The following TNC variants were observed in gnomAD, a reference collection of about 807,000 sequenced individuals.
TNC encodes the protein tenascin C.
TNC carries 109 observed loss-of-function variants against 202.4 expected under a neutral mutation model. The ratio of observed to expected loss-of-function variants is 0.54; its 90% confidence interval spans 0.46 to 0.63. The LOEUF is 0.63. Ranked by LOEUF, TNC falls within the 30% of genes least tolerant of loss-of-function variation. TNC has a pLI of 0.00. For synonymous variants in TNC, 1,007 were observed against 1,089.7 expected (o/e 0.92, Z 1.50); for missense variants, 2,756 against 2,833.3 (o/e 0.97, Z 0.62).
chr9:115,062,898 T>C lies in TNC; in HGVS notation c.4033+19A>G, dbSNP rs750090614. The C allele has an allele frequency of 2.6e-5, 42 of 1,601,832 alleles. No homozygotes were observed. Among genetic ancestry groups the C allele is most frequent in the Middle Eastern group, 1.8e-4 (1 of 5,470 alleles). On this transcript the variant is annotated intron_variant, in intron 13 of 27. Transcript: ENST00000350763. ...GCTGGCTCCTATCATGTCTCCAGTCTGGGAGGAGGGTCATATACCTGTGAC... is the reference window on the plus strand; with the variant it reads ...GCTGGCTCCTATCATGTCTCCAGTCCGGGAGGAGGGTCATATACCTGTGAC...
intron 19 of TNC, among the ~76,000 whole-genome samples, chr9:115,039,715 G>T (rs371996658): frequency 2.6e-4 from 40 of 152,364 alleles, no homozygotes; most frequent in African/African-American, 9.4e-4. Context: ...GGCAACTGGG[G>T]AGCCCACATT....
At chr9:115,096,003 T>C (rs1484547822) in intron 1 of TNC, among the ~76,000 whole-genome samples, 1 of 152,136 alleles carries the variant, frequency 6.6e-6, no homozygotes, top group Non-Finnish European at 1.5e-5. Flanking sequence ...AAGCATGTTG[T>C]GCTGCTTTTT....
intron 10 of TNC, among the ~76,000 whole-genome samples, chr9:115,072,971 CA>C (rs1833571244): frequency 6.6e-6 from 1 of 151,866 alleles, no homozygotes; most frequent in South Asian, 2.1e-4. Flanking sequence ...TTGCATGGGC[CA>C]GAATGGACAC....
chr9:115,083,602 CTT>C (rs34162026), intron 4 of TNC, among the ~76,000 whole-genome samples: 4,901 of 129,454 alleles, frequency 0.038, 266 homozygotes, highest in African/African-American at 0.13. Context: ...AATGAGGACT[CTT>C]TTTTTTTTTT....
In TNC at chr9:115,086,904, C is replaced by G; in HGVS notation, c.827G>C (p.Gly276Ala). The change falls in exon 3 of 28, where the codon GGC becomes GCC. Residue 276 changes from glycine (G) to alanine (A), a missense_variant. Physicochemically the swap from Gly to Ala is moderately conservative, Grantham distance 60. This residue lies in a region of TNC where 2,559 missense variants were observed against 2,546.0 expected (regional missense o/e 1.01). Coordinates refer to ENST00000350763, the MANE Select transcript of TNC (RefSeq NM_002160.4). ...ACACAGAGGCTTGTTGCAGTCATCGCCTGCAAAGCCATCGTGGCACACACA... is the reference window on the plus strand; with the variant it reads ...ACACAGAGGCTTGTTGCAGTCATCGGCTGCAAAGCCATCGTGGCACACACA... ...GLCVCHDGFAGDDCNKPLCLN... is the reference protein window; with the variant it reads ...GLCVCHDGFAADDCNKPLCLN... 3.1e-6 allele frequency: 5 copies of G among 1,614,104 alleles called. No individual in the cohort carries two copies. Among genetic ancestry groups the G allele is most frequent in the Non-Finnish European group, 4.2e-6 (5 of 1,180,050 alleles).
chr9:115,084,985 T>G (rs1834597455), intron 3 of TNC, among the ~76,000 whole-genome samples: 1 of 152,234 alleles, frequency 6.6e-6, no homozygotes, highest in South Asian at 2.1e-4. Flanking sequence ...CAGGCTTCCC[T>G]GCTTGCGCCA....
intron 1 of TNC, among the ~76,000 whole-genome samples, chr9:115,093,766 G>A (rs1326300461): frequency 1.3e-5 from 2 of 152,160 alleles, no homozygotes; most frequent in East Asian, 3.8e-4. Flanking sequence ...CCAAGGCAAA[G>A]AGTTTAGGGT....
intron 20 of TNC, 96 bp downstream of exon 20, chr9:115,038,165 C>G (rs929204408): frequency 7.0e-5 from 105 of 1,505,406 alleles, no homozygotes; most frequent in Non-Finnish European, 9.0e-5. Context: ...TTTTTATCAT[C>G]CTGTACCAAA....
At chr9:115,109,878 C>T (rs766626179) in intron 1 of TNC, among the ~76,000 whole-genome samples, 1 of 152,158 alleles carries the variant, frequency 6.6e-6, no homozygotes, top group African/African-American at 2.4e-5. Flanking sequence ...GAGCAAACTG[C>T]TAAGGAAGAG....
In TNC at chr9:115,062,975, G is replaced by A; in HGVS notation, c.3975C>T (p.Thr1325=). The change falls in exon 13 of 28, where the codon ACC becomes ACT. Residue 1325 remains threonine, a synonymous_variant. Coordinates refer to ENST00000350763, the MANE Select transcript of TNC (RefSeq NM_002160.4). ...GLRAGTPYTV[T]LHGEVRGHST... is the part of the protein sequence containing the mutation. ...TGTGGCCCCTGACCTCGCCGTGCAG[G>A]GTGACTGTGTAAGGAGTGCCAGCCC... The A allele has an allele frequency of 6.2e-7, 1 of 1,614,094 alleles. No individual in the cohort carries two copies. The highest frequency in any genetic ancestry group is 8.5e-7 in the Non-Finnish European group (1 of 1,180,008).
chr9:115,059,645 T>C (rs1279179195), intron 14 of TNC, 85 bp downstream of exon 14: 4 of 1,389,462 alleles, frequency 2.9e-6, no homozygotes, highest in South Asian at 1.4e-5. Flanking sequence ...GATTCAGTTA[T>C]GGCGAGATGC....
chr9:115,064,534 T>C (rs755717095), intron 11 of TNC, 113 bp downstream of exon 11: 9 of 1,336,670 alleles, frequency 6.7e-6, no homozygotes, highest in Non-Finnish European at 9.2e-6. Flanking sequence ...TTAGACCCCA[T>C]AGACATAAGT....
chr9:115,070,594 A>G (rs1833393303), intron 10 of TNC, among the ~76,000 whole-genome samples: 1 of 152,198 alleles, frequency 6.6e-6, no homozygotes. Context: ...GACTTACATT[A>G]TGGCCCAATC....
intron 14 of TNC, among the ~76,000 whole-genome samples, chr9:115,058,335 G>C (rs902726853): frequency 6.6e-6 from 1 of 152,186 alleles, no homozygotes; most frequent in Non-Finnish European, 1.5e-5. Context: ...TTGAGATACA[G>C]ATCAGATGGG....
chr9:115,027,884 C>T (rs138918731), intron 25 of TNC, among the ~76,000 whole-genome samples: 18 of 152,140 alleles, frequency 1.2e-4, no homozygotes, highest in African/African-American at 3.4e-4. Flanking sequence ...TGATTTTATC[C>T]ATGCGAGGTG....
At chr9:115,116,234 G>C (rs1266461846) in intron 1 of TNC, among the ~76,000 whole-genome samples, 1 of 152,098 alleles carries the variant, frequency 6.6e-6, no homozygotes, top group Non-Finnish European at 1.5e-5. Flanking sequence ...AAAGCATAGA[G>C]GAAAAAAATA....
chr9:115,116,062 C>T (rs909581911), intron 1 of TNC, among the ~76,000 whole-genome samples: 6 of 152,070 alleles, frequency 3.9e-5, no homozygotes, highest in African/African-American at 1.2e-4. Context: ...AAGTGTTTGC[C>T]ATATATTACC....
In TNC at chr9:115,057,472, A is replaced by C. The variant is rs201662823; in HGVS notation, c.4307-47T>G. 3.0e-5 allele frequency: 36 copies of C among 1,212,476 alleles called. No homozygotes were observed. In the East Asian group the frequency reaches 1.0e-3, roughly 34 times the overall value. 75.1% of individuals were successfully genotyped at this position (1,212,476 alleles called of 1,614,324 possible). ...GAGAAGAAAAAAATAAATTTGAGTTAATTATTTGGCTGTGTTTTAAGATTG... is the reference window on the plus strand; with the variant it reads ...GAGAAGAAAAAAATAAATTTGAGTTCATTATTTGGCTGTGTTTTAAGATTG... On this transcript the variant is annotated intron_variant, in intron 14 of 27. Coordinates refer to ENST00000350763, the MANE Select transcript of TNC (RefSeq NM_002160.4).
intron 10 of TNC, among the ~76,000 whole-genome samples, chr9:115,065,149 G>A (rs1439283012): frequency 2.0e-5 from 3 of 151,998 alleles, no homozygotes; most frequent in African/African-American, 2.4e-5. Flanking sequence ...TAATCCCAGC[G>A]CTTTGGGAGG....
Sources: gnomAD v4.1 joint callset for allele counts (sites outside exome capture counted in the v4.1 genomes callset) on GRCh38, gnomAD v4.1.1 for gene constraint, gnomAD v4.1.1 regional missense constraint, MANE v1.5 for transcripts, NCBI Gene and HGNC (gene_info 2026-07-23, HGNC 2026-07-21) for gene names.